NUP35: variants seen among roughly 807,000 people sequenced by gnomAD.
NUP35 encodes the protein nucleoporin 35.
NUP35 carries 25 observed loss-of-function variants against 41.5 expected under a neutral mutation model. The observed-to-expected ratio is 0.60, with a 90% CI of 0.44 to 0.84. NUP35 has a LOEUF of 0.84. Among genes scored for constraint, NUP35 ranks in the 40% least tolerant of loss-of-function variants. The pLI, the probability that NUP35 is intolerant of heterozygous loss-of-function variation, is 0.00. For synonymous variants in NUP35, 149 were observed against 130.7 expected (o/e 1.14, Z -0.96); for missense variants, 396 against 396.6 (o/e 1.00, Z 0.01).
intron 4 of NUP35, among the ~76,000 whole-genome samples, chr2:183,134,640 G>A (rs148020895): frequency 6.6e-6 from 1 of 151,736 alleles, no homozygotes; most frequent in Non-Finnish European, 1.5e-5. Flanking sequence ...TTTTGAGATG[G>A]AGTCTTGGTC....
At chr2:183,134,644 C>G (rs950151606) in intron 4 of NUP35, among the ~76,000 whole-genome samples, 1 of 151,374 alleles carries the variant, frequency 6.6e-6, no homozygotes, top group Non-Finnish European at 1.5e-5. Flanking sequence ...GAGATGGAGT[C>G]TTGGTCTGTC....
chr2:183,153,104 T>C (rs1003560853), intron 5 of NUP35, among the ~76,000 whole-genome samples: 1 of 152,254 alleles, frequency 6.6e-6, no homozygotes, highest in African/African-American at 2.4e-5. Flanking sequence ...GTGAGACTTA[T>C]TCATTATCAT....
chr2:183,143,429 G>A (rs1005693502), intron 4 of NUP35, among the ~76,000 whole-genome samples: 9 of 151,922 alleles, frequency 5.9e-5, no homozygotes, highest in Admixed American at 3.9e-4. Flanking sequence ...TATCTTACTG[G>A]GCTTCACTTT....
intron 2 of NUP35, among the ~76,000 whole-genome samples, chr2:183,128,738 T>G (rs2675107): frequency 6.6e-6 from 1 of 152,054 alleles, no homozygotes; most frequent in African/African-American, 2.4e-5. Flanking sequence ...CTAGAATTTT[T>G]AAAAGTGTAG....
intron 5 of NUP35, among the ~76,000 whole-genome samples, chr2:183,152,273 C>T (rs978598284): frequency 2.0e-5 from 3 of 151,956 alleles, no homozygotes; most frequent in African/African-American, 7.2e-5. Flanking sequence ...TTTAAAATGC[C>T]TTTTTTTAAA....
At chr2:183,135,045 A>G (rs1274704337) in intron 4 of NUP35, among the ~76,000 whole-genome samples, 16 of 152,108 alleles carry the variant, frequency 1.1e-4, no homozygotes, top group Admixed American at 1.0e-3. Flanking sequence ...ATTCTTCTGT[A>G]GTCATATCTC....
upstream of NUP35, among the ~76,000 whole-genome samples, chr2:183,120,922 A>G (rs1700058366): frequency 6.6e-6 from 1 of 152,248 alleles, no homozygotes; most frequent in Admixed American, 6.5e-5. Flanking sequence ...TTGGGTATAG[A>G]TTATTAAAAA....
chr2:183,130,438 G>T lies in NUP35; in HGVS notation c.232G>T (p.Val78Phe). The change falls in exon 3 of 9, where the codon GTT (valine) becomes TTT (phenylalanine). Residue 78 changes from valine (V) to phenylalanine (F), a missense_variant. Physicochemically the swap from Val to Phe is conservative, Grantham distance 50. Coordinates refer to ENST00000295119, the MANE Select transcript of NUP35 (RefSeq NM_138285.5). ...TGTAGGTGGGTCACCACCACAACCA[G>T]TTGTACCAGCTCATAAAGATAAAAG... ...LLAGGSPPQP[V>F]VPAHKDKSGA... 1 of 1,584,520 alleles carries T rather than the reference G, an allele frequency of 6.3e-7. No homozygotes were observed. Among genetic ancestry groups the T allele is most frequent in the Non-Finnish European group, 8.5e-7 (1 of 1,171,078 alleles).
chr2:183,157,300 T>C (rs1685698274), intron 5 of NUP35, 144 bp from the exon 6 acceptor site: 3 of 672,986 alleles, frequency 4.5e-6, no homozygotes, highest in Non-Finnish European at 5.3e-6. Flanking sequence ...TTAGCCCATA[T>C]CGGGGAAAAC....
rs760295368 is a variant in NUP35 at position 183,124,446 on chromosome 2, G to A, written c.-12G>A. 8 of 1,614,198 alleles carry A rather than the reference G, an allele frequency of 5.0e-6. No homozygotes were observed. The highest frequency in any genetic ancestry group is 5.1e-6 in the Non-Finnish European group (6 of 1,180,006). On this transcript the variant is annotated 5_prime_UTR_variant, in exon 1 of 9. Coordinates refer to ENST00000295119, the MANE Select transcript of NUP35 (RefSeq NM_138285.5). Reference sequence around the variant, plus strand: ...TGGGAAGGTACTGGTTTTAAGTGTAGTTGCCGACGCAATGGCAGCCTTTGC... The same window carrying A: ...TGGGAAGGTACTGGTTTTAAGTGTAATTGCCGACGCAATGGCAGCCTTTGC...
chr2:183,132,215 A>G (rs1051018513), intron 3 of NUP35, among the ~76,000 whole-genome samples: 1 of 151,530 alleles, frequency 6.6e-6, no homozygotes, highest in African/African-American at 2.4e-5. Flanking sequence ...TAGAGATGGG[A>G]TTTGTCCTGT....
rs1250196450 is a variant in NUP35 at position 183,132,522 on chromosome 2, C to T, written c.340-1044C>T. Among the ~76,000 whole-genome samples the T allele has an allele frequency of 2.6e-5, 4 of 152,082 alleles. No individual in the cohort carries two copies. In the East Asian group the frequency reaches 7.7e-4, roughly 29 times the overall value. On this transcript the variant is annotated intron_variant, in intron 3 of 8. Transcript: ENST00000295119. Reference sequence around the variant, plus strand: ...ACAGTGGGCTGTGATCGTGTTACTGCACTCAGCCTGGGTGACAGAGTGAGA... The same window carrying T: ...ACAGTGGGCTGTGATCGTGTTACTGTACTCAGCCTGGGTGACAGAGTGAGA...
At chr2:183,141,137 A>G (rs1246598472) in intron 4 of NUP35, among the ~76,000 whole-genome samples, 4 of 149,464 alleles carry the variant, frequency 2.7e-5, no homozygotes, top group African/African-American at 7.4e-5. Flanking sequence ...TTTTTTCCTC[A>G]GCATCTAGCT....
At chr2:183,151,138 C>T (rs962689226) in intron 4 of NUP35, among the ~76,000 whole-genome samples, 4 of 152,160 alleles carry the variant, frequency 2.6e-5, no homozygotes, top group Non-Finnish European at 4.4e-5. Flanking sequence ...GTGGGTAATA[C>T]ATTTTTACAT....
chr2:183,152,067 A>G (rs1310831080), intron 5 of NUP35, among the ~76,000 whole-genome samples: 1 of 151,190 alleles, frequency 6.6e-6, no homozygotes, highest in Non-Finnish European at 1.5e-5. Context: ...CTCTACATCT[A>G]GTGGAATTCA....
At chr2:183,141,083 T>C (rs1442634475) in intron 4 of NUP35, among the ~76,000 whole-genome samples, 3 of 152,162 alleles carry the variant, frequency 2.0e-5, no homozygotes, top group African/African-American at 7.2e-5. Context: ...GTTGATAGGA[T>C]TACCTCTGGA....
upstream of NUP35, chr2:183,120,158 G>A (rs569225762): frequency 6.6e-6 from 1 of 152,292 alleles, no homozygotes; most frequent in Non-Finnish European, 1.5e-5. Context: ...GAAGAAGAAA[G>A]CTTTGGGCCA....
upstream of NUP35, among the ~76,000 whole-genome samples, chr2:183,120,513 A>G (rs1700052878): frequency 6.6e-6 from 1 of 151,774 alleles, no homozygotes; most frequent in African/African-American, 2.4e-5. Flanking sequence ...AACTGAAGGC[A>G]GGGAGATGTA....
chr2:183,131,020 T>G, intron 3 of NUP35: 1 of 724,792 alleles, frequency 1.4e-6, no homozygotes, highest in Non-Finnish European at 2.1e-6. Context: ...CCTGATCAGT[T>G]GCCCAGGCTA....
Sources: gnomAD v4.1 joint callset for allele counts (sites outside exome capture counted in the v4.1 genomes callset) on GRCh38, gnomAD v4.1.1 for gene constraint, MANE v1.5 for transcripts, NCBI Gene and HGNC (gene_info 2026-07-23, HGNC 2026-07-21) for gene names.